DDX42: variants seen among roughly 807,000 people sequenced by gnomAD.
DDX42 encodes ATP-dependent RNA helicase DDX42.
A neutral mutation model predicts 101.5 loss-of-function variants in DDX42; 22 were observed. The observed-to-expected ratio is 0.22, with a 90% CI of 0.15 to 0.31. The LOEUF (loss-of-function observed/expected upper bound fraction) is 0.31, where lower values mean the gene tolerates loss of function less well. Ranked by LOEUF, DDX42 falls within the 10% of genes least tolerant of loss-of-function variation. DDX42 has a pLI of 1.00. For synonymous variants in DDX42, 402 were observed against 401.2 expected (o/e 1.00, Z -0.02); for missense variants, 849 against 1,199.9 (o/e 0.71, Z 4.32).
At chr17:63,781,545 T>G (rs968898853) in intron 1 of DDX42, among the ~76,000 whole-genome samples, 2 of 152,038 alleles carry the variant, frequency 1.3e-5, no homozygotes, top group African/African-American at 4.8e-5. Context: ...ACCTAACTTC[T>G]CTTTAGTTTT....
intron 16 of DDX42, 35 bp downstream of exon 16, chr17:63,815,708 T>G (rs901095208): frequency 6.9e-7 from 1 of 1,447,116 alleles, no homozygotes; most frequent in Admixed American, 1.9e-5. Context: ...GCCTTTATAG[T>G]TGGTCTCATG....
chr17:63,800,323 A>AG lies in DDX42; in HGVS notation c.472-143dup, dbSNP rs754994409. 8 of 617,680 alleles carry AG rather than the reference A, an allele frequency of 1.3e-5. No individual in the cohort carries two copies. In the Admixed American group the frequency reaches 2.7e-4, roughly 21 times the overall value. 38.3% of individuals were successfully genotyped at this position (617,680 alleles called of 1,614,324 possible). A position where few individuals can be genotyped will look rare whatever the true frequency, so the allele number is the denominator to read the frequency against. ...TTCTTCTGAATATTGCTATTATTAA[A>AG]GGAATCATTGCTAGTAAGGATCTTG... On this transcript the variant is annotated intron_variant, in intron 5 of 17. Coordinates refer to ENST00000389924, the MANE Select transcript of DDX42 (RefSeq NM_203499.3).
At chr17:63,789,169 C>T (rs1042825528) in intron 2 of DDX42, among the ~76,000 whole-genome samples, 2 of 152,024 alleles carry the variant, frequency 1.3e-5, no homozygotes, top group South Asian at 4.1e-4. Context: ...ACCTCCACTT[C>T]CTGGGTTCAA....
chr17:63,793,068 T>C (rs1022401886), intron 3 of DDX42, among the ~76,000 whole-genome samples: 11 of 152,212 alleles, frequency 7.2e-5, no homozygotes, highest in Admixed American at 6.5e-5. Context: ...CTTTTTCATC[T>C]TTCTGTTTTC....
intron 5 of DDX42, among the ~76,000 whole-genome samples, chr17:63,799,953 G>A (rs1243717318): frequency 6.6e-6 from 1 of 152,164 alleles, no homozygotes; most frequent in Non-Finnish European, 1.5e-5. Flanking sequence ...GATGGCCTCT[G>A]GTAACATCTA....
intron 14 of DDX42, among the ~76,000 whole-genome samples, chr17:63,812,904 A>G (rs959652530): frequency 6.6e-6 from 1 of 152,186 alleles, no homozygotes. Flanking sequence ...GCGTGCCTAT[A>G]ATCCCAGCTA....
Position 63,787,021 on chromosome 17 carries a change from T to C in DDX42, c.-16-13T>C. ...TAAGTTTAATTTATATTTGTGTATC[T>C]TATTCCTAACAGGTCAGTCATTGGC... On this transcript the variant is annotated splice_polypyrimidine_tract_variant and intron_variant, in intron 1 of 17. Transcript: ENST00000389924. The C allele has an allele frequency of 6.2e-7, 1 of 1,613,272 alleles. No individual in the cohort carries two copies. The highest frequency in any genetic ancestry group is 8.5e-7 in the Non-Finnish European group (1 of 1,179,516).
chr17:63,806,785 A>G, intron 8 of DDX42, 131 bp downstream of exon 8: 1 of 988,380 alleles, frequency 1.0e-6, no homozygotes, highest in Non-Finnish European at 1.4e-6. Context: ...GGTATTTATC[A>G]CTCTTAAGAA....
chr17:63,817,844 C>T lies in DDX42; in HGVS notation c.2263C>T (p.Pro755Ser). The change falls in exon 18 of 18, where the codon CCC (proline) becomes TCC (serine). Residue 755 changes from proline (P) to serine (S), a missense_variant. This residue lies in a region of DDX42 where 300 missense variants were observed against 304.9 expected (regional missense o/e 0.98). Coordinates refer to ENST00000389924, the MANE Select transcript of DDX42 (RefSeq NM_203499.3). ...AQQGHNSPDS[P>S]VTSAAKGIPG... ...ACAGGGCCATAACAGTCCTGACAGC[C>T]CCGTCACCAGTGCCGCCAAGGGCAT... The T allele has an allele frequency of 1.2e-6, 2 of 1,614,154 alleles. No individual in the cohort carries two copies. The highest frequency in any genetic ancestry group is 1.7e-6 in the Non-Finnish European group (2 of 1,180,030).
intron 6 of DDX42, among the ~76,000 whole-genome samples, chr17:63,800,903 CTTTCT>C (rs1226104111): frequency 1.7e-4 from 3 of 17,460 alleles, no homozygotes; most frequent in Non-Finnish European, 2.8e-4. Context: ...CTTTCTCTTT[CTTTCT>C]TTTCTTTCCT....
chr17:63,817,620 C>G, intron 17 of DDX42, 74 bp from the exon 18 acceptor site: 1 of 1,450,678 alleles, frequency 6.9e-7, no homozygotes, highest in African/African-American at 1.4e-5. Context: ...TAAACCTCAT[C>G]ATTTGCCAAG....
intron 1 of DDX42, among the ~76,000 whole-genome samples, chr17:63,781,001 TG>T (rs1681810232): frequency 6.6e-6 from 1 of 152,178 alleles, no homozygotes; most frequent in East Asian, 1.9e-4. Flanking sequence ...AACATGCCTA[TG>T]TTTCTTTAAA....
intron 1 of DDX42, among the ~76,000 whole-genome samples, chr17:63,779,623 T>A (rs2039461902): frequency 6.6e-6 from 1 of 152,184 alleles, no homozygotes; most frequent in African/African-American, 2.4e-5. Flanking sequence ...ACTTTTCATC[T>A]TGTAAAACTG....
At position 63,813,470 on chromosome 17, in the gene DDX42, C is replaced by T. The variant is rs1045430847; in HGVS notation, c.1902+16C>T. The T allele has an allele frequency of 3.1e-6, 5 of 1,604,256 alleles. No individual in the cohort carries two copies. The African/African-American group carries it at 6.7e-5, about 21-fold the overall frequency. On this transcript the variant is annotated intron_variant, in intron 15 of 17. Transcript: ENST00000389924. ...GGCAATGCAGGTGAGGGGCTGGGCA[C>T]ACTTTCAATTGCTCCTGGTTATAAG...
Position 63,816,924 on chromosome 17 carries a change from A to T in DDX42, c.2070A>T (p.Gly690=). ...SNYEAYKPST[G]AMGDRLTAMK... ...ATGAGGCCTACAAGCCTTCCACAGG[A>T]GCTATGGGAGATCGACTAACGGCAA... Residue 690 remains glycine, a synonymous_variant, in exon 17 of 18, where the codon GGA becomes GGT. Transcript: ENST00000389924. 1 of 1,614,000 alleles carries T rather than the reference A, an allele frequency of 6.2e-7. No homozygotes were observed. Among genetic ancestry groups the T allele is most frequent in the Non-Finnish European group, 8.5e-7 (1 of 1,179,988 alleles).
intron 1 of DDX42, chr17:63,776,034 A>G (rs1255438724): frequency 6.6e-6 from 1 of 152,230 alleles, no homozygotes; most frequent in Non-Finnish European, 1.5e-5. Flanking sequence ...CTCATCAAAG[A>G]ACTGACCTGT....
intron 15 of DDX42, among the ~76,000 whole-genome samples, chr17:63,814,392 G>A (rs773357455): frequency 2.0e-5 from 3 of 152,226 alleles, no homozygotes; most frequent in Non-Finnish European, 4.4e-5. Context: ...CAGCTGCAAT[G>A]TGGCAGTGCC....
chr17:63,809,424 G>A, intron 10 of DDX42, 136 bp from the exon 11 acceptor site: 1 of 646,526 alleles, frequency 1.5e-6, no homozygotes. Flanking sequence ...TAGTGCATAA[G>A]GTATGTGGCT....
chr17:63,813,188 C>A, intron 14 of DDX42, 40 bp from the exon 15 acceptor site: 1 of 1,541,086 alleles, frequency 6.5e-7, no homozygotes, highest in Non-Finnish European at 8.8e-7. Flanking sequence ...CTTCTGACTA[C>A]AGATGAAGAA....
Sources: allele counts gnomAD v4.1 joint callset (sites outside exome capture counted in the v4.1 genomes callset), GRCh38; gene constraint gnomAD v4.1.1; regional missense constraint gnomAD v4.1.1; transcripts MANE v1.5; gene names NCBI Gene and HGNC (gene_info 2026-07-23, HGNC 2026-07-21).